Variants in NCAM1 observed in about 807,000 individuals in gnomAD.
NCAM1 encodes the protein antigen recognized by monoclonal antibody 5.1H11.
Under a neutral mutation model 109.8 loss-of-function variants are expected in NCAM1, and 14 were observed. The observed-to-expected ratio is 0.13, with a 90% CI of 0.08 to 0.20. The LOEUF is 0.20. Among genes scored for constraint, NCAM1 ranks in the 10% least tolerant of loss-of-function variants. The pLI, the probability that NCAM1 is intolerant of heterozygous loss-of-function variation, is 1.00. For missense variants in NCAM1, 774 were observed against 1,109.9 expected (o/e 0.70, Z 4.30); for synonymous variants, 418 against 442.9 (o/e 0.94, Z 0.70).
At chr11:113,108,612 G>GCAGACA (rs1940275864) in intron 1 of NCAM1, among the ~76,000 whole-genome samples, 1 of 152,026 alleles carries the variant, frequency 6.6e-6, no homozygotes, top group African/African-American at 2.4e-5. Flanking sequence ...AAAGCATATG[G>GCAGACA]CAGACATATC....
At chr11:113,206,385 A>G (rs1944240978) in intron 5 of NCAM1, among the ~76,000 whole-genome samples, 1 of 150,600 alleles carries the variant, frequency 6.6e-6, no homozygotes, top group Non-Finnish European at 1.5e-5. Context: ...TCTTCCTTCA[A>G]CTACGAGGGA....
At chr11:113,010,884 G>A (rs576872037) in intron 1 of NCAM1, among the ~76,000 whole-genome samples, 33 of 152,230 alleles carry the variant, frequency 2.2e-4, no homozygotes, top group Admixed American at 5.9e-4. Flanking sequence ...TTCAAGAAGC[G>A]GAGGAGTCAT....
chr11:113,225,601 GA>G (rs200951312), intron 9 of NCAM1, among the ~76,000 whole-genome samples: 5,078 of 152,212 alleles, frequency 0.033, 300 homozygotes, highest in African/African-American at 0.12. Context: ...GATACTCCTT[GA>G]GAAGGACAAC....
At chr11:112,998,111 G>A (rs561768050) in intron 1 of NCAM1, among the ~76,000 whole-genome samples, 7 of 152,294 alleles carry the variant, frequency 4.6e-5, no homozygotes, top group Admixed American at 4.6e-4. Flanking sequence ...AGGAACTTGA[G>A]GCCCAGAAAG....
intron 9 of NCAM1, among the ~76,000 whole-genome samples, chr11:113,228,737 A>G (rs1484342333): frequency 6.6e-6 from 1 of 152,220 alleles, no homozygotes; most frequent in Non-Finnish European, 1.5e-5. Flanking sequence ...AAACAGAGAT[A>G]CAGACCAATG....
intron 14 of NCAM1, among the ~76,000 whole-genome samples, chr11:113,237,037 C>T (rs1555118422): frequency 1.3e-5 from 2 of 152,194 alleles, no homozygotes; most frequent in Admixed American, 1.3e-4. Context: ...GACTAACCAG[C>T]TAATGTAGGA....
chr11:112,974,728 T>C (rs1032649688), intron 1 of NCAM1, among the ~76,000 whole-genome samples: 2 of 151,962 alleles, frequency 1.3e-5, no homozygotes, highest in Non-Finnish European at 2.9e-5. Context: ...AATCTCTCTA[T>C]TTATAAAAAT....
chr11:113,042,023 AACT>A (rs1953097000), intron 1 of NCAM1, among the ~76,000 whole-genome samples: 1 of 152,096 alleles, frequency 6.6e-6, no homozygotes. Context: ...TCAGAAGCTG[AACT>A]TTGCCCTTGT....
At chr11:113,169,431 A>T (rs1319959993) in intron 1 of NCAM1, among the ~76,000 whole-genome samples, 3 of 152,208 alleles carry the variant, frequency 2.0e-5, no homozygotes, top group Non-Finnish European at 4.4e-5. Flanking sequence ...ACCCTGTGGC[A>T]GCTCCTCAAA....
chr11:113,074,911 C>T (rs1286451508), intron 1 of NCAM1, among the ~76,000 whole-genome samples: 3 of 152,072 alleles, frequency 2.0e-5, no homozygotes, highest in South Asian at 2.1e-4. Context: ...GGATTATAGG[C>T]GTCAGCAACT....
intron 19 of NCAM1, among the ~76,000 whole-genome samples, chr11:113,272,730 C>T (rs534582030): frequency 2.0e-5 from 3 of 152,214 alleles, no homozygotes; most frequent in East Asian, 3.9e-4. Flanking sequence ...CGTTCTCTGT[C>T]GTCTCCTGTG....
At position 113,277,304 on chromosome 11, in the gene NCAM1, G is replaced by GGTCT; in HGVS notation, c.*1918_*1921dup. ...ATAATTTCAAACTGTGAAGAATAAT[G>GGTCT]GTCTTGTCATTTGCTCAATGTGGGG... On this transcript the variant is annotated 3_prime_UTR_variant, in exon 20 of 20. Coordinates refer to ENST00000316851, the MANE Select transcript of NCAM1 (RefSeq NM_181351.5). 1 of 398,996 alleles carries GGTCT rather than the reference G, an allele frequency of 2.5e-6. No individual in the cohort carries two copies. Among genetic ancestry groups the GGTCT allele is most frequent in the East Asian group, 3.6e-5 (1 of 28,070 alleles). The allele number at this position is 398,996 out of a possible 1,614,324, so 24.7% of individuals were successfully genotyped here.
At chr11:113,158,559 G>A (rs115712648) in intron 1 of NCAM1, among the ~76,000 whole-genome samples, 1 of 152,098 alleles carries the variant, frequency 6.6e-6, no homozygotes, top group Non-Finnish European at 1.5e-5. Context: ...CTCTCCCCTT[G>A]TCCCTCCATC....
intron 1 of NCAM1, among the ~76,000 whole-genome samples, chr11:113,149,174 C>T (rs1293835884): frequency 5.3e-5 from 8 of 152,144 alleles, no homozygotes; most frequent in Admixed American, 3.3e-4. Flanking sequence ...CTGCTGGACC[C>T]GGGGTGGGGC....
intron 1 of NCAM1, among the ~76,000 whole-genome samples, chr11:113,031,649 G>A (rs964437526): frequency 4.6e-5 from 7 of 151,768 alleles, no homozygotes; most frequent in African/African-American, 1.7e-4. Context: ...CTGAGATTGT[G>A]CCACTGCACT....
chr11:113,102,157 C>G (rs1939905465), intron 1 of NCAM1, among the ~76,000 whole-genome samples: 1 of 152,098 alleles, frequency 6.6e-6, no homozygotes, highest in Non-Finnish European at 1.5e-5. Flanking sequence ...ATTTTTTAGT[C>G]ATCTGAAAAA....
At chr11:113,227,875 AT>A (rs1349126191) in intron 9 of NCAM1, among the ~76,000 whole-genome samples, 1 of 152,214 alleles carries the variant, frequency 6.6e-6, no homozygotes, top group Non-Finnish European at 1.5e-5. Flanking sequence ...CTTTGATAAA[AT>A]CCAACAACCC....
intron 1 of NCAM1, among the ~76,000 whole-genome samples, chr11:113,146,087 T>C (rs1193107755): frequency 2.0e-5 from 3 of 152,242 alleles, no homozygotes; most frequent in Non-Finnish European, 2.9e-5. Flanking sequence ...TAGCTCTACC[T>C]ACTTCAATGC....
chr11:113,219,892 T>G (rs892561854), intron 8 of NCAM1, among the ~76,000 whole-genome samples: 3 of 152,250 alleles, frequency 2.0e-5, no homozygotes, highest in Non-Finnish European at 2.9e-5. Context: ...CATGTTCCTC[T>G]GTTCTCACCT....
Sources: allele counts gnomAD v4.1 joint callset (sites outside exome capture counted in the v4.1 genomes callset), GRCh38; gene constraint gnomAD v4.1.1; transcripts MANE v1.5; gene names NCBI Gene and HGNC (gene_info 2026-07-23, HGNC 2026-07-21).